CMYA5: variants seen among roughly 807,000 people sequenced by gnomAD.
The protein encoded by CMYA5 is cardiomyopathy-associated protein 5.
CMYA5 carries 246 observed loss-of-function variants against 318.9 expected under a neutral mutation model. The observed-to-expected ratio is 0.77, with a 90% CI of 0.70 to 0.86. The LOEUF (loss-of-function observed/expected upper bound fraction) is 0.86, where lower values mean the gene tolerates loss of function less well. Ranked by LOEUF, CMYA5 falls within the 40% of genes least tolerant of loss-of-function variation. CMYA5 has a pLI of 0.00. For missense variants in CMYA5, 4,589 were observed against 4,678.2 expected (o/e 0.98, Z 0.56); for synonymous variants, 1,641 against 1,729.5 (o/e 0.95, Z 1.27).
At chr5:79,791,218 A>G (rs1422264133) in intron 11 of CMYA5, 149 bp downstream of exon 11, 3 of 591,306 alleles carry the variant, frequency 5.1e-6, no homozygotes, top group African/African-American at 3.7e-5. Flanking sequence ...GCACATCCAC[A>G]CTGTTCGGCT....
intron 2 of CMYA5, among the ~76,000 whole-genome samples, chr5:79,743,302 C>G (rs909514387): frequency 1.3e-5 from 2 of 152,114 alleles, no homozygotes; most frequent in African/African-American, 2.4e-5. Context: ...GTATTTTAAC[C>G]CTTTGAGGGT....
At chr5:79,762,228 C>T in intron 8 of CMYA5, 1 of 311,842 alleles carries the variant, frequency 3.2e-6, no homozygotes, top group East Asian at 5.3e-5. Context: ...TCCAGAGGGG[C>T]ACCCAAGTTG....
intron 1 of CMYA5, among the ~76,000 whole-genome samples, chr5:79,712,153 C>T (rs1024255459): frequency 1.3e-5 from 2 of 152,304 alleles, no homozygotes; most frequent in African/African-American, 2.4e-5. Flanking sequence ...CTTCACCTAT[C>T]CCTGTTCATC....
chr5:79,776,239 G>A (rs1437830443), intron 9 of CMYA5, among the ~76,000 whole-genome samples: 2 of 152,112 alleles, frequency 1.3e-5, no homozygotes, highest in Non-Finnish European at 2.9e-5. Flanking sequence ...TGAACTAAGA[G>A]TGAGACGCTT....
At chr5:79,767,202 C>G (rs943030339) in intron 9 of CMYA5, among the ~76,000 whole-genome samples, 1 of 152,104 alleles carries the variant, frequency 6.6e-6, no homozygotes, top group African/African-American at 2.4e-5. Flanking sequence ...CTCTATTCTT[C>G]TTTATTAGTC....
At chr5:79,720,428 A>ATTT (rs1159659122) in intron 1 of CMYA5, among the ~76,000 whole-genome samples, 926 of 44,540 alleles carry the variant, frequency 0.021, 20 homozygotes, top group African/African-American at 0.082. Flanking sequence ...TGCCAATCTA[A>ATTT]TTTTTTTTTT....
chr5:79,736,519 C>CT lies in CMYA5; in HGVS notation c.7754_7755insT (p.Phe2586IlefsTer5). 6.2e-7 allele frequency: 1 copy of CT among 1,613,236 alleles called. No homozygotes were observed. Among genetic ancestry groups the CT allele is most frequent in the Non-Finnish European group, 8.5e-7 (1 of 1,179,568 alleles). On this transcript the variant is annotated frameshift_variant, in exon 2 of 13. Transcript: ENST00000446378. LOFTEE classifies it high-confidence loss of function. ...GGTCATTCTTTGGGTGAAACTCAATCATTTTCATTAGTTAAAGCTACATCA... is the reference window on the plus strand; with the variant it reads ...GGTCATTCTTTGGGTGAAACTCAATCTATTTTCATTAGTTAAAGCTACATCA...
At chr5:79,746,029 TTCCCTTGGGTGC>T (rs1464397502) in intron 4 of CMYA5, among the ~76,000 whole-genome samples, 1 of 152,186 alleles carries the variant, frequency 6.6e-6, no homozygotes, top group Non-Finnish European at 1.5e-5. Context: ...GACATGGAAA[TTCCCTTGGGTGC>T]TCCTCACATT....
At chr5:79,700,823 A>C (rs1308772074) in intron 1 of CMYA5, among the ~76,000 whole-genome samples, 3 of 152,210 alleles carry the variant, frequency 2.0e-5, no homozygotes, top group Non-Finnish European at 4.4e-5. Flanking sequence ...GACAAATATC[A>C]CATGTTCTCA....
rs1828658700 is a variant in CMYA5, at chr5:79,761,879, C to G, written c.11329C>G (p.Arg3777Gly). 2.5e-6 allele frequency: 4 copies of G among 1,613,572 alleles called. No homozygotes were observed. The highest frequency in any genetic ancestry group is 2.5e-6 in the Non-Finnish European group (3 of 1,179,706). The change falls in exon 8 of 13, where the codon CGA becomes GGA. Residue 3777 changes from arginine to glycine, a missense_variant. By Grantham distance (125) the Arg-to-Gly change is moderately radical (BLOSUM62 -2). This residue lies in a region of CMYA5 where 2,431 missense variants were observed against 2,495.1 expected (regional missense o/e 0.97). Coordinates refer to ENST00000446378, the MANE Select transcript of CMYA5 (RefSeq NM_153610.5). The stretch of plus-strand genomic sequence containing the variant: ...CATTTTTGAAGATCTGGAACCTGAC[C>G]GATGCTATCAAGTGTGGGTGATGGC... Reference protein sequence around the residue: ...YCIFEDLEPDRCYQVWVMAVN... With the variant: ...YCIFEDLEPDGCYQVWVMAVN...
intron 6 of CMYA5, among the ~76,000 whole-genome samples, chr5:79,755,055 T>C (rs1340522777): frequency 6.6e-6 from 1 of 152,216 alleles, no homozygotes; most frequent in Non-Finnish European, 1.5e-5. Context: ...GCTTCCACTT[T>C]TTGGCTATTG....
At position 79,737,804 on chromosome 5, in the gene CMYA5, T is replaced by G. The variant is rs1328014733; in HGVS notation, c.9039T>G (p.Val3013=). The G allele has an allele frequency of 6.2e-7, 1 of 1,608,682 alleles. No individual in the cohort carries two copies. The highest frequency in any genetic ancestry group is 8.5e-7 in the Non-Finnish European group (1 of 1,178,648). ...TLKSRLEDEK[V]TPLKENKQKE... Reference sequence around the variant, plus strand: ...AGAGCAGGTTAGAAGATGAAAAAGTTACCCCATTGAAAGAAAATAAACAAA... The same window carrying G: ...AGAGCAGGTTAGAAGATGAAAAAGTGACCCCATTGAAAGAAAATAAACAAA... Residue 3013 remains valine (V), a synonymous_variant, in exon 2 of 13, where the codon GTT becomes GTG. Coordinates refer to ENST00000446378, the MANE Select transcript of CMYA5 (RefSeq NM_153610.5).
rs564727944 is a variant in CMYA5 at position 79,718,045 on chromosome 5, C to T, written c.150-10870C>T. On this transcript the variant is annotated intron_variant, in intron 1 of 12. Coordinates refer to ENST00000446378, the MANE Select transcript of CMYA5 (RefSeq NM_153610.5). ...CTAGGACTACAGGCACCCGCCACTA[C>T]GCCCGGCTATTTTTTGTAGTTTTAG... is the stretch of plus-strand genomic sequence containing the variant. Among the ~76,000 whole-genome samples the T allele has an allele frequency of 2.2e-3, 242 of 107,846 alleles. 83 individuals carry two copies. Among genetic ancestry groups the T allele is most frequent in the African/African-American group, 0.011 (228 of 21,478 alleles). The allele number at this position is 107,846 out of a possible 152,430, so 70.8% of individuals were successfully genotyped here.
At chr5:79,710,554 C>T (rs995327287) in intron 1 of CMYA5, among the ~76,000 whole-genome samples, 1 of 152,118 alleles carries the variant, frequency 6.6e-6, no homozygotes, top group Non-Finnish European at 1.5e-5. Flanking sequence ...AGAGGCACAT[C>T]TCAGGATAGA....
chr5:79,729,215 C>T lies in CMYA5; in HGVS notation c.450C>T (p.Asn150=). 1.2e-6 allele frequency: 2 copies of T among 1,612,386 alleles called. No homozygotes were observed. Among genetic ancestry groups the T allele is most frequent in the Non-Finnish European group, 1.7e-6 (2 of 1,179,506 alleles). The change falls in exon 2 of 13, where the codon AAC becomes AAT. Residue 150 remains asparagine, a synonymous_variant. Transcript: ENST00000446378. The part of the protein sequence containing the change: ...HGSPSLRRKG[N]RKRNSFESQD... ...CACCATCATTACGCCGGAAAGGCAA[C>T]AGAAAAAGAAATTCTTTTGAATCCC...
At chr5:79,717,797 A>G (rs184701809) in intron 1 of CMYA5, among the ~76,000 whole-genome samples, 230 of 152,092 alleles carry the variant, frequency 1.5e-3, no homozygotes, top group Middle Eastern at 6.8e-3. Context: ...CGGCATAATT[A>G]TGCTGTGTAA....
Position 79,739,168 on chromosome 5 carries a change from G to A in CMYA5, c.10403G>A (p.Ser3468Asn). 4 of 1,613,626 alleles carry A rather than the reference G, an allele frequency of 2.5e-6. No homozygotes were observed. Among genetic ancestry groups the A allele is most frequent in the Non-Finnish European group, 2.5e-6 (3 of 1,179,746 alleles). The change falls in exon 2 of 13, where the codon AGT becomes AAT. Residue 3468 changes from serine to asparagine, a missense_variant. Transcript: ENST00000446378. ...FEHISENEFA[S>N]EAEQSTPAEQ... Reference sequence around the variant, plus strand: ...CACATCAGTGAAAATGAATTTGCGAGTGAGGCAGAACAAAGTACACCTGCT... The same window carrying A: ...CACATCAGTGAAAATGAATTTGCGAATGAGGCAGAACAAAGTACACCTGCT...
Position 79,732,485 on chromosome 5 carries a change from T to C in CMYA5, c.3720T>C (p.Tyr1240=), listed in dbSNP as rs1177945690. 3 of 1,613,068 alleles carry C rather than the reference T, an allele frequency of 1.9e-6. No individual in the cohort carries two copies. Among genetic ancestry groups the C allele is most frequent in the South Asian group, 1.1e-5 (1 of 90,842 alleles). ...ATGTTCCAGAGTCTGAGATGAAATA[T>C]TCAGTTTTGCCTGACATGGTAGATG... ...PPNVPESEMK[Y]SVLPDMVDEP... Residue 1240 remains tyrosine, a synonymous_variant, in exon 2 of 13, where the codon TAT becomes TAC. Transcript: ENST00000446378.
chr5:79,701,898 C>T (rs377473440), intron 1 of CMYA5, among the ~76,000 whole-genome samples: 54 of 151,798 alleles, frequency 3.6e-4, no homozygotes, highest in African/African-American at 1.1e-3. Flanking sequence ...GAGGCCGAGG[C>T]GGGTGGATCA....
Sources: gnomAD v4.1 joint callset for allele counts (sites outside exome capture counted in the v4.1 genomes callset) on GRCh38, gnomAD v4.1.1 for gene constraint, gnomAD v4.1.1 regional missense constraint, MANE v1.5 for transcripts, NCBI Gene and HGNC (gene_info 2026-07-23, HGNC 2026-07-21) for gene names.